FAM234A: variants seen among roughly 807,000 people sequenced by gnomAD.
FAM234A encodes the protein protein FAM234A.
FAM234A carries 42 observed loss-of-function variants against 49.1 expected under a neutral mutation model. That is an observed-to-expected ratio of 0.86 (90% CI 0.67 to 1.11). FAM234A has a LOEUF of 1.11. FAM234A is among the 50% of genes least tolerant of loss of function. The pLI is 0.00. For missense variants in FAM234A, 815 were observed against 745.2 expected (o/e 1.09, Z -1.09); for synonymous variants, 369 against 316.2 (o/e 1.17, Z -1.77).
intron 1 of FAM234A, among the ~76,000 whole-genome samples, chr16:243,972 ATT>A (rs72357722): frequency 2.1e-5 from 3 of 145,102 alleles, no homozygotes; most frequent in Admixed American, 6.9e-5. Flanking sequence ...AAGGAAAATG[ATT>A]TTTTTTTTTT....
intron 8 of FAM234A, among the ~76,000 whole-genome samples, chr16:262,855 T>C (rs1419730901): frequency 1.3e-5 from 2 of 149,184 alleles, no homozygotes; most frequent in African/African-American, 4.9e-5. Context: ...AGTCTTGCCC[T>C]GTCCCCCAGG....
chr16:254,355 G>GCCGA, intron 2 of FAM234A, 26 bp from the exon 3 acceptor site: 1 of 1,589,522 alleles, frequency 6.3e-7, no homozygotes, highest in Non-Finnish European at 8.6e-7. Context: ...TGCTGGCCTC[G>GCCGA]CCGACCTCTT....
intron 1 of FAM234A, among the ~76,000 whole-genome samples, chr16:241,438 C>G (rs1011378372): frequency 6.6e-6 from 1 of 151,890 alleles, no homozygotes; most frequent in Non-Finnish European, 1.5e-5. Flanking sequence ...TAAAGATTAG[C>G]TGAACAAAAA....
chr16:264,190 G>T lies in FAM234A; in HGVS notation c.1344+19G>T. 6.3e-7 allele frequency: 1 copy of T among 1,581,760 alleles called. No individual in the cohort carries two copies. On this transcript the variant is annotated intron_variant, in intron 11 of 12. Coordinates refer to ENST00000399932, the MANE Select transcript of FAM234A (RefSeq NM_032039.4). ...CGAGACGGTACGGGAGCCACCCTCG[G>T]AGCAGCCATGCTGGGAGCCGGGGCC...
At position 254,364 on chromosome 16, in the gene FAM234A, T is replaced by C; in HGVS notation, c.-33-17T>C. The C allele has an allele frequency of 3.1e-6, 5 of 1,603,444 alleles. No individual in the cohort carries two copies. Among genetic ancestry groups the C allele is most frequent in the Non-Finnish European group, 4.3e-6 (5 of 1,173,878 alleles). On this transcript the variant is annotated splice_polypyrimidine_tract_variant and intron_variant, in intron 2 of 12. Transcript: ENST00000399932. ...TGGGACTGCTGGCCTCGCCGACCTC[T>C]TGCTTTATCGACACAGTGACCAGGA...
chr16:263,977 C>A lies in FAM234A; in HGVS notation c.1189-39C>A, dbSNP rs778473386. 1.1e-5 allele frequency: 18 copies of A among 1,588,546 alleles called. No homozygotes were observed. The South Asian group carries it at 2.0e-4, about 18-fold the overall frequency. On this transcript the variant is annotated intron_variant, in intron 10 of 12. Transcript: ENST00000399932. ...GCAAGCCTCGAGCTTTTCCCGGTAG[C>A]CCCCACGTTGGCCCCCACAGTGTCC...
chr16:236,517 GGA>G (rs969365167), intron 1 of FAM234A, among the ~76,000 whole-genome samples: 14 of 151,774 alleles, frequency 9.2e-5, no homozygotes, highest in African/African-American at 3.4e-4. Flanking sequence ...CAGCTACTTG[GGA>G]GGCTGGGGCA....
rs761903510 is a variant in FAM234A at position 262,474 on chromosome 16, G to A, written c.892G>A (p.Gly298Arg). 51 of 1,612,004 alleles carry A rather than the reference G, an allele frequency of 3.2e-5. No homozygotes were observed. Among genetic ancestry groups the A allele is most frequent in the South Asian group, 5.5e-5 (5 of 90,852 alleles). Residue 298 changes from glycine (G) to arginine (R), a missense_variant, in exon 8 of 13, where the codon GGG becomes AGG. Physicochemically the swap from Gly to Arg is moderately radical, Grantham distance 125 (BLOSUM62 -2). Coordinates refer to ENST00000399932, the MANE Select transcript of FAM234A (RefSeq NM_032039.4). ...SVKGLYEKVTGSGGPFKSDPH... is the reference protein window; with the variant it reads ...SVKGLYEKVTRSGGPFKSDPH... ...GAAGGGTCTCTACGAGAAGGTGACC[G>A]GGAGCGGCGGCCCGTTCAAGAGTGA...
intron 1 of FAM234A, among the ~76,000 whole-genome samples, chr16:246,151 G>T (rs1162849608): frequency 6.6e-6 from 1 of 151,570 alleles, no homozygotes; most frequent in Non-Finnish European, 1.5e-5. Flanking sequence ...GGAGGCAGAG[G>T]TTGCAGTGAG....
At chr16:243,334 A>G (rs2050684592) in intron 1 of FAM234A, among the ~76,000 whole-genome samples, 1 of 151,748 alleles carries the variant, frequency 6.6e-6, no homozygotes, top group African/African-American at 2.4e-5. Flanking sequence ...GTTTTTTTAA[A>G]TAGCCACATG....
intron 3 of FAM234A, among the ~76,000 whole-genome samples, chr16:255,935 A>G (rs1225708933): frequency 6.6e-6 from 1 of 152,218 alleles, no homozygotes; most frequent in Admixed American, 6.5e-5. Flanking sequence ...AAGGGCTGGG[A>G]TTACCGGCGT....
At chr16:236,291 C>T (rs2050397592) in intron 1 of FAM234A, among the ~76,000 whole-genome samples, 1 of 151,476 alleles carries the variant, frequency 6.6e-6, no homozygotes, top group Non-Finnish European at 1.5e-5. Context: ...TCCTGAGTAT[C>T]TGGGACTACA....
rs376232884 is a variant in FAM234A, at chr16:254,382, G to C, written c.-32G>C. ...CGACCTCTTGCTTTATCGACACAGT[G>C]ACCAGGAGTTAAACTTTGGGATGTG... is the stretch of plus-strand genomic sequence containing the variant. On this transcript the variant is annotated splice_region_variant and 5_prime_UTR_variant, in exon 3 of 13. The change abolishes the stop of an existing upstream ORF in the 5' untranslated region. Transcript: ENST00000399932. The C allele has an allele frequency of 1.1e-5, 18 of 1,610,740 alleles. No individual in the cohort carries two copies. The highest frequency in any genetic ancestry group is 1.5e-5 in the Non-Finnish European group (18 of 1,177,978).
At position 264,028 on chromosome 16, in the gene FAM234A, G is replaced by T; in HGVS notation, c.1201G>T (p.Asp401Tyr). Residue 401 changes from aspartate (D) to tyrosine (Y), a missense_variant, in exon 11 of 13, where the codon GAC becomes TAC. Transcript: ENST00000399932. ...TGTDRQILFL[D>Y]LGTGAVLCSL... ...CCTCCCTCCCCAGATCCTGTTTCTGGACCTTGGCACTGGAGCCGTCCTGTG... is the reference window on the plus strand; with the variant it reads ...CCTCCCTCCCCAGATCCTGTTTCTGTACCTTGGCACTGGAGCCGTCCTGTG... The T allele has an allele frequency of 6.2e-7, 1 of 1,612,828 alleles. No individual in the cohort carries two copies. Among genetic ancestry groups the T allele is most frequent in the South Asian group, 1.1e-5 (1 of 91,046 alleles).
At chr16:243,496 A>C (rs565977893) in intron 1 of FAM234A, among the ~76,000 whole-genome samples, 56 of 152,294 alleles carry the variant, frequency 3.7e-4, no homozygotes, top group Admixed American at 1.3e-3. Context: ...TAATGACCGC[A>C]GTAGAGAAAA....
chr16:254,694 T>C lies in FAM234A; in HGVS notation c.268+13T>C. ...TACAGTGCCGCTGGTGAGCCTCGGC[T>C]TCCCCGCCCAGTGGGGTCCAAAGCA... On this transcript the variant is annotated intron_variant, in intron 3 of 12. Coordinates refer to ENST00000399932, the MANE Select transcript of FAM234A (RefSeq NM_032039.4). The C allele has an allele frequency of 2.5e-6, 4 of 1,612,152 alleles. No individual in the cohort carries two copies. Among genetic ancestry groups the C allele is most frequent in the Non-Finnish European group, 3.4e-6 (4 of 1,179,280 alleles).
chr16:269,762 C>G (rs60300448), downstream of FAM234A: 4 of 579,088 alleles, frequency 6.9e-6, no homozygotes, highest in African/African-American at 7.5e-5. Flanking sequence ...GCAGGGAGAC[C>G]TGGGCTCCCG....
At chr16:252,874 G>A (rs551500918) in intron 2 of FAM234A, among the ~76,000 whole-genome samples, 58 of 152,088 alleles carry the variant, frequency 3.8e-4, no homozygotes, top group Non-Finnish European at 7.9e-4. Context: ...GCTGACCTCC[G>A]CACGCCCTCT....
intron 2 of FAM234A, among the ~76,000 whole-genome samples, 161 bp downstream of exon 2, chr16:249,815 T>C (rs1216887391): frequency 2.6e-5 from 4 of 152,094 alleles, no homozygotes; most frequent in Non-Finnish European, 4.4e-5. Context: ...CTCGAATTTC[T>C]TGGCTGCAAT....
Sources: gnomAD v4.1 joint callset for allele counts (sites outside exome capture counted in the v4.1 genomes callset) on GRCh38, gnomAD v4.1.1 for gene constraint, MANE v1.5 for transcripts, NCBI Gene and HGNC (gene_info 2026-07-23, HGNC 2026-07-21) for gene names.